Variants in AGAP1 observed in about 807,000 individuals in gnomAD.
The protein encoded by AGAP1 is ArfGAP with GTPase domain, ankyrin repeat and PH domain 1.
AGAP1 carries 29 observed loss-of-function variants against 105.3 expected under a neutral mutation model. The ratio of observed to expected loss-of-function variants is 0.28; its 90% confidence interval spans 0.21 to 0.38. The LOEUF is 0.38. Among genes scored for constraint, AGAP1 ranks in the 10% least tolerant of loss-of-function variants. The pLI is 1.00. For missense variants in AGAP1, 998 were observed against 1,165.1 expected, an observed-to-expected ratio of 0.86 and a Z score of 2.09; for synonymous variants, 509 against 485.9, an observed-to-expected ratio of 1.05 and a Z score of -0.63.
At position 235,579,408 on chromosome 2, in the gene AGAP1, C is replaced by T. The variant is rs142475814; in HGVS notation, c.163+84559C>T. 5.3e-5 allele frequency among the ~76,000 whole-genome samples: 8 copies of T among 152,246 alleles called. No individual in the cohort carries two copies. The East Asian group carries it at 1.3e-3, about 26-fold the overall frequency. On this transcript the variant is annotated intron_variant, in intron 1 of 17. Coordinates refer to ENST00000304032, the MANE Select transcript of AGAP1 (RefSeq NM_001037131.3). Reference sequence around the variant, plus strand: ...AGCTGTGGGTTGCAATCCCAGGGGGCGACTTGGCTCTTTTGTTGTTGTCGT... The same window carrying T: ...AGCTGTGGGTTGCAATCCCAGGGGGTGACTTGGCTCTTTTGTTGTTGTCGT...
At chr2:235,502,405 G>A (rs1941599845) in intron 1 of AGAP1, among the ~76,000 whole-genome samples, 1 of 152,150 alleles carries the variant, frequency 6.6e-6, no homozygotes, top group South Asian at 2.1e-4. Context: ...GGGCCCGAGA[G>A]GGGGCTGCCA....
chr2:236,027,513 G>A lies in AGAP1; in HGVS notation c.1646-9048G>A, dbSNP rs1400028026. On this transcript the variant is annotated intron_variant, in intron 13 of 17. Transcript: ENST00000304032. The surrounding 1 kb of genome is among the most constrained non-coding windows in gnomAD (Gnocchi z 4.4). The stretch of plus-strand genomic sequence containing the variant: ...ATGTAGGGTTCCATCTCCCGCCTCT[G>A]CCCTGCCTCCCCCAGGGCAGACTGA... 6.6e-6 allele frequency among the ~76,000 whole-genome samples: 1 copy of A among 152,054 alleles called. No homozygotes were observed. The highest frequency in any genetic ancestry group is 1.5e-5 in the Non-Finnish European group (1 of 68,018).
chr2:236,040,755 G>T lies in AGAP1; in HGVS notation c.1805G>T (p.Arg602Leu). 1 of 1,613,090 alleles carries T rather than the reference G, an allele frequency of 6.2e-7. No individual in the cohort carries two copies. The highest frequency in any genetic ancestry group is 8.5e-7 in the Non-Finnish European group (1 of 1,180,002). Residue 602 changes from arginine to leucine, a missense_variant, in exon 15 of 18, where the codon CGG becomes CTG. Around this residue, in one of 3 missense-constraint regions of AGAP1, gnomAD observed 735 missense variants for 833.4 expected, o/e 0.88. Coordinates refer to ENST00000304032, the MANE Select transcript of AGAP1 (RefSeq NM_001037131.3). The surrounding 1 kb of genome is among the most constrained non-coding windows in gnomAD (Gnocchi z 5.6). ...TGTGTCTTCCTCCGTGCCCAGTCCC[G>T]GCTGACGAGCCAGAGCGAGGCCATG... The part of the protein sequence containing the change: ...QSCESSKNKS[R>L]LTSQSEAMAL...
intron 16 of AGAP1, among the ~76,000 whole-genome samples, chr2:236,116,366 T>TTTTTTTTTTTTTC (rs2059770188): frequency 6.6e-6 from 1 of 150,424 alleles, no homozygotes; most frequent in Non-Finnish European, 1.5e-5. Flanking sequence ...TCTTTTTTTT[T>TTTTTTTTTTTTTC]TGAGAGAGAG....
intron 17 of AGAP1, among the ~76,000 whole-genome samples, chr2:236,122,642 T>G (rs1343573432): frequency 6.6e-6 from 1 of 151,770 alleles, no homozygotes; most frequent in African/African-American, 2.4e-5. Flanking sequence ...AGATTCTATG[T>G]GAGGACATAC....
Position 236,126,170 on chromosome 2 carries a change from C to G in AGAP1, c.*2048C>G, listed in dbSNP as rs2060001472. The G allele has an allele frequency of 6.6e-6, 1 of 152,190 alleles. No individual in the cohort carries two copies. Among genetic ancestry groups the G allele is most frequent in the Non-Finnish European group, 1.5e-5 (1 of 68,046 alleles). 9.4% of individuals were successfully genotyped at this position (152,190 alleles called of 1,614,324 possible). On this transcript the variant is annotated 3_prime_UTR_variant, in exon 18 of 18. Transcript: ENST00000304032. Reference sequence around the variant, plus strand: ...CTCGTATCCAAAAGTATAACAGGTGCAGAAGCCACAAGTCTGAGAACCTTG... The same window carrying G: ...CTCGTATCCAAAAGTATAACAGGTGGAGAAGCCACAAGTCTGAGAACCTTG...
At chr2:235,759,522 C>A (rs1575360457) in intron 6 of AGAP1, among the ~76,000 whole-genome samples, 1 of 152,260 alleles carries the variant, frequency 6.6e-6, no homozygotes, top group African/African-American at 2.4e-5. Context: ...TGCAGATGGT[C>A]TCCAGAAGAG....
rs1464674809 is a variant in AGAP1, at chr2:235,977,277, ATGTT to A, written c.1645+8657_1645+8660del. ...AAGTCATTTTCTTGATGGTCTCAAA[ATGTT>A]TGAGCTCTGAGGCTTTTCGGATGTC... On this transcript the variant is annotated intron_variant, in intron 13 of 17. Coordinates refer to ENST00000304032, the MANE Select transcript of AGAP1 (RefSeq NM_001037131.3). This position sits in a 1 kb window ranked among gnomAD's most constrained non-coding sequence, Gnocchi z 5.2. 6.6e-6 allele frequency among the ~76,000 whole-genome samples: 1 copy of A among 151,394 alleles called. No homozygotes were observed. The highest frequency in any genetic ancestry group is 1.5e-5 in the Non-Finnish European group (1 of 67,926).
chr2:235,629,746 C>T (rs1377214516), intron 1 of AGAP1, among the ~76,000 whole-genome samples: 2 of 150,168 alleles, frequency 1.3e-5, no homozygotes, highest in African/African-American at 4.9e-5. Flanking sequence ...GACGTGGTGG[C>T]GTGTACTTGT....
rs61111847 is a variant in AGAP1 at position 235,677,906 on chromosome 2, C to CAAAAAAAAAAAA, written c.164-31233_164-31222dup. On this transcript the variant is annotated intron_variant, in intron 1 of 17. Coordinates refer to ENST00000304032, the MANE Select transcript of AGAP1 (RefSeq NM_001037131.3). ...CTTTCTGCCCCCATTAGCTCTTTACCAAAAAAAAAAAAAAAAAAAAAAAAA... is the reference window on the plus strand; with the variant it reads ...CTTTCTGCCCCCATTAGCTCTTTACCAAAAAAAAAAAAAAAAAAAAAAAAAAAAAAAAAAAAA... Among the ~76,000 whole-genome samples, 4 of 62,998 alleles carry CAAAAAAAAAAAA rather than the reference C, an allele frequency of 6.3e-5. 1 individual carries two copies. The highest frequency in any genetic ancestry group is 9.7e-5 in the Non-Finnish European group (3 of 31,058). 41.3% of individuals were successfully genotyped at this position (62,998 alleles called of 152,430 possible).
chr2:235,497,366 A>C (rs1184296023), intron 1 of AGAP1, among the ~76,000 whole-genome samples: 3 of 152,228 alleles, frequency 2.0e-5, no homozygotes, highest in African/African-American at 7.2e-5. Flanking sequence ...AGGGGCAGAG[A>C]GCTGCCCCTG....
intron 13 of AGAP1, among the ~76,000 whole-genome samples, chr2:235,998,818 G>T (rs1230077131): frequency 6.8e-6 from 1 of 146,590 alleles, no homozygotes; most frequent in Admixed American, 6.8e-5. Flanking sequence ...TGTGACCTTG[G>T]TGAGAGTTGG....
At chr2:235,995,737 T>G (rs1221236702) in intron 13 of AGAP1, among the ~76,000 whole-genome samples, 1 of 152,126 alleles carries the variant, frequency 6.6e-6, no homozygotes, top group Non-Finnish European at 1.5e-5. Context: ...GGATTCCATC[T>G]CTCTGTCTCG....
chr2:235,579,164 G>A (rs999089149), intron 1 of AGAP1, among the ~76,000 whole-genome samples: 2 of 152,170 alleles, frequency 1.3e-5, no homozygotes, highest in South Asian at 4.1e-4. Flanking sequence ...TCGTATAAGG[G>A]CGCACTGTGT....
intron 16 of AGAP1, among the ~76,000 whole-genome samples, chr2:236,065,436 A>G (rs1335355443): frequency 6.6e-6 from 1 of 152,138 alleles, no homozygotes; most frequent in African/African-American, 2.4e-5. Flanking sequence ...GCAGCCATCA[A>G]AGAAAGCTCC....
Position 235,557,562 on chromosome 2 carries a change from CT to C in AGAP1, c.163+62720del, listed in dbSNP as rs889876323. ...ATGATGTCAGTGAACATTTATTGGCCTTTTTTTCTGTGCCAATAACTCTCAG... is the reference window on the plus strand; with the variant it reads ...ATGATGTCAGTGAACATTTATTGGCCTTTTTTCTGTGCCAATAACTCTCAG... On this transcript the variant is annotated intron_variant, in intron 1 of 17. Transcript: ENST00000304032. The surrounding 1 kb of genome is among the most constrained non-coding windows in gnomAD (Gnocchi z 4.7). Among the ~76,000 whole-genome samples, 1 of 152,082 alleles carries C rather than the reference CT, an allele frequency of 6.6e-6. No homozygotes were observed. Among genetic ancestry groups the C allele is most frequent in the African/African-American group, 2.4e-5 (1 of 41,402 alleles).
intron 1 of AGAP1, among the ~76,000 whole-genome samples, chr2:235,603,285 C>T (rs144347944): frequency 0.047 from 7,194 of 152,258 alleles, 211 homozygotes; most frequent in Middle Eastern, 0.065. Flanking sequence ...GAGGCCTCCC[C>T]AGCCACTTGG....
chr2:235,847,004 T>C (rs1487624774), intron 9 of AGAP1, among the ~76,000 whole-genome samples: 1 of 152,172 alleles, frequency 6.6e-6, no homozygotes, highest in East Asian at 1.9e-4. Flanking sequence ...GTGGATTGCT[T>C]GACATGTCCC....
At position 236,042,302 on chromosome 2, in the gene AGAP1, A is replaced by G. The variant is rs974247207; in HGVS notation, c.1891+1461A>G. On this transcript the variant is annotated intron_variant, in intron 15 of 17. Coordinates refer to ENST00000304032, the MANE Select transcript of AGAP1 (RefSeq NM_001037131.3). The surrounding 1 kb of genome is among the most constrained non-coding windows in gnomAD (Gnocchi z 5.6). ...CCAAGAGTCCACTCAGCAGCATAGC[A>G]GGCAGGGGAGAGATCAAAAGTCTGT... is the stretch of plus-strand genomic sequence containing the variant. Among the ~76,000 whole-genome samples, 5 of 152,144 alleles carry G rather than the reference A, an allele frequency of 3.3e-5. No homozygotes were observed. Among genetic ancestry groups the G allele is most frequent in the Admixed American group, 2.6e-4 (4 of 15,282 alleles).
Sources: gnomAD v4.1 joint callset for allele counts (sites outside exome capture counted in the v4.1 genomes callset) on GRCh38, gnomAD v4.1.1 for gene constraint, gnomAD v4.1.1 regional missense constraint, Gnocchi (gnomAD v3.1) non-coding constraint, MANE v1.5 for transcripts, NCBI Gene and HGNC (gene_info 2026-07-23, HGNC 2026-07-21) for gene names.